The following GCNT2 variants were observed in gnomAD, a reference collection of about 807,000 sequenced individuals.
The protein encoded by GCNT2 is glucosaminyl (N-acetyl) transferase 2 (I blood group).
GCNT2 carries 34 observed loss-of-function variants against 34.2 expected under a neutral mutation model. The ratio of observed to expected loss-of-function variants is 1.00; its 90% CI spans 0.76 to 1.32. The LOEUF is 1.32. Among genes scored for constraint, GCNT2 ranks in the 40% most tolerant of loss-of-function variants. The pLI is 0.00. For synonymous variants in GCNT2, 212 were observed against 188.0 expected (o/e 1.13, Z -1.04); for missense variants, 584 against 489.4 (o/e 1.19, Z -1.82).
intron 3 of GCNT2, among the ~76,000 whole-genome samples, chr6:10,575,489 G>C (rs1219661320): frequency 6.6e-6 from 1 of 151,478 alleles, no homozygotes; most frequent in Non-Finnish European, 1.5e-5. Context: ...AGCCTCCCAA[G>C]TAGCTAGGAT....
intron 3 of GCNT2, among the ~76,000 whole-genome samples, chr6:10,613,403 A>G (rs2127437406): frequency 6.6e-6 from 1 of 152,294 alleles, no homozygotes; most frequent in East Asian, 1.9e-4. Flanking sequence ...TGTCCTAGAA[A>G]TAATGAAAAA....
intron 3 of GCNT2, among the ~76,000 whole-genome samples, chr6:10,561,430 G>A (rs1762976284): frequency 6.6e-6 from 1 of 152,242 alleles, no homozygotes; most frequent in Non-Finnish European, 1.5e-5. Context: ...CCAGAGTGCT[G>A]GGATTACAGG....
intron 3 of GCNT2, among the ~76,000 whole-genome samples, chr6:10,565,741 A>G (rs1039445815): frequency 1.3e-5 from 2 of 151,922 alleles, no homozygotes; most frequent in Middle Eastern, 3.4e-3. Context: ...ACCACCGGCC[A>G]AGATAGTATC....
rs575169152 is a variant in GCNT2, at chr6:10,525,723, G to A, written c.-468-1751G>A. Among the ~76,000 whole-genome samples the A allele has an allele frequency of 3.3e-5, 5 of 152,246 alleles. No individual in the cohort carries two copies. In the South Asian group the frequency reaches 6.2e-4, roughly 19 times the overall value. On this transcript the variant is annotated intron_variant, in intron 1 of 4. Transcript: ENST00000495262. ...TTCCAGAGCTCAAAATCAAGGGACC[G>A]TCTTAGCATTACAGGTAAGGTACAA...
At chr6:10,600,550 C>T (rs1765049327) in intron 3 of GCNT2, among the ~76,000 whole-genome samples, 1 of 152,124 alleles carries the variant, frequency 6.6e-6, no homozygotes, top group South Asian at 2.1e-4. Flanking sequence ...GGAGCCAACC[C>T]CTACCCCCAG....
intron 4 of GCNT2, among the ~76,000 whole-genome samples, chr6:10,624,307 G>T (rs1766172312): frequency 6.6e-6 from 1 of 152,168 alleles, no homozygotes; most frequent in African/African-American, 2.4e-5. Context: ...CCACGTGACT[G>T]GGGAGGCCTC....
intron 3 of GCNT2, among the ~76,000 whole-genome samples, chr6:10,615,304 G>A (rs765605657): frequency 8.5e-5 from 13 of 152,088 alleles, no homozygotes; most frequent in Non-Finnish European, 1.9e-4. Flanking sequence ...TGATACAAGA[G>A]GCCTGGCGTG....
intron 3 of GCNT2, among the ~76,000 whole-genome samples, chr6:10,536,047 A>C (rs1761736159): frequency 1.3e-5 from 2 of 151,752 alleles, no homozygotes; most frequent in African/African-American, 4.9e-5. Flanking sequence ...TAGTTCCTCT[A>C]TATGTAAAAA....
rs1045901513 is a variant in GCNT2 at position 10,627,486 on chromosome 6, T to C, written c.*879T>C. The C allele has an allele frequency of 2.6e-5, 4 of 152,226 alleles. No individual in the cohort carries two copies. The highest frequency in any genetic ancestry group is 5.9e-5 in the Non-Finnish European group (4 of 68,066). The allele number at this position is 152,226 out of a possible 1,614,324, so 9.4% of individuals were successfully genotyped here. A position where few individuals can be genotyped will look rare whatever the true frequency, so the allele number is the denominator to read the frequency against. On this transcript the variant is annotated 3_prime_UTR_variant, in exon 5 of 5. Coordinates refer to ENST00000495262, the MANE Select transcript of GCNT2 (RefSeq NM_145649.5). ...GAGACCAAATTCTATCCTGTGAGGC[T>C]TTTAATTGCACCATAGTATGCTCTG...
chr6:10,615,855 C>G (rs901116080), intron 3 of GCNT2, among the ~76,000 whole-genome samples: 18 of 152,310 alleles, frequency 1.2e-4, no homozygotes, highest in Middle Eastern at 3.4e-3. Context: ...TGTAGCAGGA[C>G]GACCAGAGAT....
intron 3 of GCNT2, 75 bp from the exon 4 acceptor site, chr6:10,621,276 G>A (rs1766021498): frequency 7.6e-6 from 7 of 922,944 alleles, no homozygotes; most frequent in Non-Finnish European, 1.2e-5. Flanking sequence ...GCCTGACTTA[G>A]AGGCTTAATT....
At chr6:10,540,342 T>A (rs75168444) in intron 3 of GCNT2, among the ~76,000 whole-genome samples, 1,565 of 151,908 alleles carry the variant, frequency 0.01, 24 homozygotes, top group African/African-American at 0.036. Flanking sequence ...GTTCATGCTG[T>A]CTTTTTGTTC....
chr6:10,566,798 C>T (rs193047812), intron 3 of GCNT2, among the ~76,000 whole-genome samples: 5 of 152,338 alleles, frequency 3.3e-5, no homozygotes, highest in East Asian at 3.9e-4. Context: ...CGCTTGTGCA[C>T]GCACACGTTT....
At chr6:10,590,203 GC>G (rs550893224) in intron 3 of GCNT2, among the ~76,000 whole-genome samples, 418 of 152,236 alleles carry the variant, frequency 2.7e-3, no homozygotes, top group Non-Finnish European at 4.7e-3. Flanking sequence ...TTTCAGTCCA[GC>G]CTGGGCAACA....
intron 3 of GCNT2, chr6:10,586,971 C>A (rs554545323): frequency 8.5e-7 from 1 of 1,169,890 alleles, no homozygotes; most frequent in East Asian, 2.3e-5. Flanking sequence ...TTCTGCTCGC[C>A]TAGAGAACTG....
chr6:10,584,582 A>G lies in GCNT2; in HGVS notation c.926-36769A>G, dbSNP rs1321391000. Reference sequence around the variant, plus strand: ...ATCTCAGGTTGTCTCAGTGGGGGGAAACCTGGACAATACCCAGGCTTTCTT... The same window carrying G: ...ATCTCAGGTTGTCTCAGTGGGGGGAGACCTGGACAATACCCAGGCTTTCTT... On this transcript the variant is annotated intron_variant, in intron 3 of 4. Transcript: ENST00000495262. 2.0e-5 allele frequency among the ~76,000 whole-genome samples: 3 copies of G among 152,246 alleles called. No individual in the cohort carries two copies. The East Asian group carries it at 5.8e-4, about 29-fold the overall frequency.
intron 3 of GCNT2, among the ~76,000 whole-genome samples, chr6:10,560,643 G>A (rs1762933718): frequency 6.6e-6 from 1 of 152,116 alleles, no homozygotes; most frequent in Non-Finnish European, 1.5e-5. Context: ...GAATTAGATG[G>A]TTTCAGAAAA....
chr6:10,533,965 C>A (rs144458262), intron 3 of GCNT2, among the ~76,000 whole-genome samples: 1 of 151,698 alleles, frequency 6.6e-6, no homozygotes, highest in Non-Finnish European at 1.5e-5. Context: ...AGCACCGAGA[C>A]GTTGGCCGTC....
intron 3 of GCNT2, among the ~76,000 whole-genome samples, chr6:10,617,575 T>C (rs1268224069): frequency 6.6e-6 from 1 of 152,118 alleles, no homozygotes; most frequent in African/African-American, 2.4e-5. Context: ...TCGCTCACCG[T>C]GACTTAGAAT....
Sources: gnomAD v4.1 joint callset for allele counts (sites outside exome capture counted in the v4.1 genomes callset) on GRCh38, gnomAD v4.1.1 for gene constraint, MANE v1.5 for transcripts, NCBI Gene and HGNC (gene_info 2026-07-23, HGNC 2026-07-21) for gene names.